CFDP1: variants seen among roughly 807,000 people sequenced by gnomAD.
The protein encoded by CFDP1 is heterochromatin-stabilizing protein CFDP1.
In CFDP1, 31 loss-of-function variants were observed where a neutral mutation model predicts 40.1. That is an observed-to-expected ratio of 0.77 (90% CI 0.58 to 1.04). The LOEUF is 1.04. Among genes scored for constraint, CFDP1 ranks in the 50% least tolerant of loss-of-function variants. The pLI is 0.00. For missense variants in CFDP1, 423 were observed against 343.4 expected, an observed-to-expected ratio of 1.23 and a Z score of -1.83; for synonymous variants, 167 against 120.0, an observed-to-expected ratio of 1.39 and a Z score of -2.56.
intron 5 of CFDP1, among the ~76,000 whole-genome samples, chr16:75,356,907 C>CTTTTTTTTTTTTTTTTTTT (rs1567655659): frequency 2.6e-5 from 1 of 38,434 alleles, no homozygotes; most frequent in Non-Finnish European, 7.2e-5. Context: ...CAGCTGCTTT[C>CTTTTTTTTTTTTTTTTTTT]TTTCTTTTTT....
At position 75,391,656 on chromosome 16, in the gene CFDP1, G is replaced by A. The variant is rs577465817; in HGVS notation, c.650+3434C>T. On this transcript the variant is annotated intron_variant, in intron 5 of 6. Coordinates refer to ENST00000283882, the MANE Select transcript of CFDP1 (RefSeq NM_006324.3). ...GTAAAATGTATTCCTTATGATGGGC[G>A]GCAGTCAAGAAAGTTTGAAAGCTAC... 2.6e-5 allele frequency: 4 copies of A among 152,284 alleles called. No individual in the cohort carries two copies. In the East Asian group the frequency reaches 5.8e-4, roughly 22 times the overall value. The allele number at this position is 152,284 out of a possible 1,614,324, so 9.4% of individuals were successfully genotyped here.
At chr16:75,431,648 A>G (rs71394219) in intron 1 of CFDP1, among the ~76,000 whole-genome samples, 48,074 of 151,744 alleles carry the variant, frequency 0.32, 8,996 homozygotes, top group East Asian at 0.51. Context: ...CGAAAGAAAA[A>G]AAAACACTGA....
intron 4 of CFDP1, among the ~76,000 whole-genome samples, chr16:75,402,666 A>C (rs1194670835): frequency 6.6e-6 from 1 of 152,208 alleles, no homozygotes; most frequent in African/African-American, 2.4e-5. Flanking sequence ...AACTTGATAC[A>C]GAGAGAAAAA....
intron 5 of CFDP1, among the ~76,000 whole-genome samples, chr16:75,362,097 G>C (rs1169155783): frequency 6.8e-6 from 1 of 146,042 alleles, no homozygotes; most frequent in Non-Finnish European, 1.5e-5. Flanking sequence ...CTAGTTCCTA[G>C]ACTGCATGAT....
intron 5 of CFDP1, among the ~76,000 whole-genome samples, chr16:75,351,806 G>A (rs2078613263): frequency 6.6e-6 from 1 of 151,764 alleles, no homozygotes; most frequent in Non-Finnish European, 1.5e-5. Flanking sequence ...TCAGGAGTTC[G>A]AGACCAGCCT....
chr16:75,376,047 C>CA, intron 5 of CFDP1, among the ~76,000 whole-genome samples: 2 of 152,028 alleles, frequency 1.3e-5, no homozygotes, highest in Non-Finnish European at 2.9e-5. Context: ...CCCATCTCTA[C>CA]AAAAAAATTA....
Position 75,423,485 on chromosome 16 carries a change from G to C in CFDP1, c.65-8790C>G, listed in dbSNP as rs148359987. Among the ~76,000 whole-genome samples, 1,144 of 152,046 alleles carry C rather than the reference G, an allele frequency of 7.5e-3. 11 individuals carry two copies. Among genetic ancestry groups the C allele is most frequent in the African/African-American group, 0.026 (1,074 of 41,502 alleles). ...GGGACTAATTTTTGTATTTTTAGTAGAGACTGGGTTTCACCACGTTGGCGA... is the reference window on the plus strand; with the variant it reads ...GGGACTAATTTTTGTATTTTTAGTACAGACTGGGTTTCACCACGTTGGCGA... On this transcript the variant is annotated intron_variant, in intron 1 of 6. Coordinates refer to ENST00000283882, the MANE Select transcript of CFDP1 (RefSeq NM_006324.3).
intron 5 of CFDP1, among the ~76,000 whole-genome samples, chr16:75,385,253 T>C (rs1213963625): frequency 6.6e-6 from 1 of 152,042 alleles, no homozygotes; most frequent in Non-Finnish European, 1.5e-5. Context: ...TTAATATATA[T>C]GAATACAATA....
intron 5 of CFDP1, among the ~76,000 whole-genome samples, chr16:75,330,567 C>T (rs2078438543): frequency 6.6e-6 from 1 of 152,150 alleles, no homozygotes; most frequent in East Asian, 1.9e-4. Flanking sequence ...CCAGCCTGGG[C>T]AACAAGAGTG....
At chr16:75,318,483 G>C (rs888535582) in intron 5 of CFDP1, among the ~76,000 whole-genome samples, 1 of 148,152 alleles carries the variant, frequency 6.7e-6, no homozygotes, top group East Asian at 2.0e-4. Context: ...TCGGCTCACT[G>C]CAACCTCCGC....
chr16:75,370,023 C>T (rs1251694499), intron 5 of CFDP1, among the ~76,000 whole-genome samples: 1 of 151,984 alleles, frequency 6.6e-6, no homozygotes, highest in Admixed American at 6.6e-5. Flanking sequence ...ATCTGCCCAC[C>T]TCGGCTCTCA....
intron 1 of CFDP1, among the ~76,000 whole-genome samples, chr16:75,418,052 G>A (rs537663204): frequency 5.3e-5 from 8 of 151,936 alleles, no homozygotes; most frequent in Non-Finnish European, 1.0e-4. Context: ...CCAGGAGTTC[G>A]AGACCAGTCT....
At chr16:75,369,663 C>T (rs559063122) in intron 5 of CFDP1, among the ~76,000 whole-genome samples, 5 of 152,346 alleles carry the variant, frequency 3.3e-5, no homozygotes, top group African/African-American at 1.2e-4. Context: ...AGATTATTCT[C>T]TAGTGCTCAG....
rs558793214 is a variant in CFDP1 at position 75,314,201 on chromosome 16, T to C, written c.651-9019A>G. Among the ~76,000 whole-genome samples the C allele has an allele frequency of 2.0e-5, 3 of 152,298 alleles. No individual in the cohort carries two copies. The South Asian group carries it at 6.2e-4, about 32-fold the overall frequency. ...CACCTGGCCTTGTTCATTGTTATAT[T>C]TGTCTATTTGAACAGAAAGAAAAGG... On this transcript the variant is annotated intron_variant, in intron 5 of 6. Transcript: ENST00000283882.
At chr16:75,330,726 TTGGAAAAGCTA>T (rs1326947445) in intron 5 of CFDP1, among the ~76,000 whole-genome samples, 1 of 152,194 alleles carries the variant, frequency 6.6e-6, no homozygotes, top group African/African-American at 2.4e-5. Flanking sequence ...CTCTTTTCCA[TTGGAAAAGCTA>T]TGCAGAATCA....
intron 5 of CFDP1, among the ~76,000 whole-genome samples, chr16:75,373,626 T>C (rs774268804): frequency 6.6e-5 from 10 of 152,182 alleles, no homozygotes; most frequent in East Asian, 1.9e-4. Context: ...TTCAAAGGGT[T>C]TGCTTCCCTA....
intron 1 of CFDP1, among the ~76,000 whole-genome samples, chr16:75,431,455 A>AAAAG (rs2079415015): frequency 2.5e-4 from 1 of 3,970 alleles, no homozygotes; most frequent in African/African-American, 7.2e-4. Flanking sequence ...CTCTTGTCTC[A>AAAAG]AAAAAAAAAA....
intron 5 of CFDP1, chr16:75,325,092 G>C (rs1367167880): frequency 6.6e-6 from 1 of 152,178 alleles, no homozygotes; most frequent in African/African-American, 2.4e-5. Flanking sequence ...CCAGTCCCAA[G>C]GCTTAAATAC....
intron 2 of CFDP1, among the ~76,000 whole-genome samples, chr16:75,413,732 C>T (rs1030763501): frequency 6.6e-6 from 1 of 152,060 alleles, no homozygotes; most frequent in African/African-American, 2.4e-5. Flanking sequence ...GACAGAAACA[C>T]CCAAGTGAGG....
Sources: gnomAD v4.1 joint callset for allele counts (sites outside exome capture counted in the v4.1 genomes callset) on GRCh38, gnomAD v4.1.1 for gene constraint, MANE v1.5 for transcripts, NCBI Gene and HGNC (gene_info 2026-07-23, HGNC 2026-07-21) for gene names.